Variants in FSHR observed in about 807,000 individuals in gnomAD.
The protein encoded by FSHR is follicle-stimulating hormone receptor.
FSHR carries 46 observed loss-of-function variants against 52.1 expected under a neutral mutation model. The ratio of observed to expected loss-of-function variants is 0.88; its 90% CI spans 0.70 to 1.13. The LOEUF is 1.13. FSHR is among the 50% of genes most tolerant of loss of function. FSHR has a pLI of 0.00. For missense variants in FSHR, 964 were observed against 834.6 expected (o/e 1.16, Z -1.91); for synonymous variants, 399 against 309.6 (o/e 1.29, Z -3.03).
intron 1 of FSHR, among the ~76,000 whole-genome samples, chr2:49,093,466 C>G (rs1056965376): frequency 1.3e-5 from 2 of 152,112 alleles, no homozygotes; most frequent in African/African-American, 4.8e-5. Flanking sequence ...TTTTTCCTTG[C>G]TCTGAAGTCT....
At chr2:48,968,613 C>G (rs185694713) in intron 9 of FSHR, 85 bp downstream of exon 9, 5 of 1,495,448 alleles carry the variant, frequency 3.3e-6, no homozygotes, top group Non-Finnish European at 4.6e-6. Context: ...CAAGTAGATT[C>G]TCTTCATGTC....
intron 2 of FSHR, among the ~76,000 whole-genome samples, chr2:49,061,101 A>G (rs184236251): frequency 1.4e-4 from 21 of 152,010 alleles, no homozygotes; most frequent in African/African-American, 5.1e-4. Context: ...TCACCACTAC[A>G]ACGTGGCACC....
chr2:48,976,348 G>C (rs1674987555), intron 8 of FSHR, among the ~76,000 whole-genome samples: 1 of 152,170 alleles, frequency 6.6e-6, no homozygotes, highest in African/African-American at 2.4e-5. Context: ...ACTTGATCGT[G>C]GTGGATAAGC....
At chr2:48,991,028 C>G (rs1458807652) in intron 4 of FSHR, among the ~76,000 whole-genome samples, 1 of 152,120 alleles carries the variant, frequency 6.6e-6, no homozygotes, top group African/African-American at 2.4e-5. Flanking sequence ...AAGCGATTCT[C>G]TTGGGATTAG....
chr2:49,051,905 A>G (rs1455592379), intron 2 of FSHR, among the ~76,000 whole-genome samples: 1 of 152,102 alleles, frequency 6.6e-6, no homozygotes, highest in Non-Finnish European at 1.5e-5. Flanking sequence ...TGTTTTTCCA[A>G]TATGGATACA....
At position 49,060,732 on chromosome 2, in the gene FSHR, T is replaced by C. The variant is rs1254803889; in HGVS notation, c.224+7487A>G. 3.3e-5 allele frequency among the ~76,000 whole-genome samples: 5 copies of C among 152,190 alleles called. No homozygotes were observed. In the East Asian group the frequency reaches 9.6e-4, roughly 29 times the overall value. ...ATGCCAAATACCTCTAGTACCTTGC[T>C]TCCCTGGAGCCGGACTAGTTCCCTA... On this transcript the variant is annotated intron_variant, in intron 2 of 9. Transcript: ENST00000406846.
chr2:49,077,527 C>T (rs1669992768), intron 1 of FSHR, among the ~76,000 whole-genome samples: 1 of 152,162 alleles, frequency 6.6e-6, no homozygotes, highest in African/African-American at 2.4e-5. Context: ...CCCATGTTGT[C>T]TTGGGTATTA....
At chr2:49,124,137 C>A (rs570916706) in intron 1 of FSHR, among the ~76,000 whole-genome samples, 2 of 149,268 alleles carry the variant, frequency 1.3e-5, no homozygotes, top group South Asian at 2.2e-4. Context: ...GGATTACAGG[C>A]ACCCACCACC....
intron 2 of FSHR, among the ~76,000 whole-genome samples, chr2:49,032,370 C>T (rs1052336589): frequency 6.6e-6 from 1 of 152,170 alleles, no homozygotes; most frequent in Non-Finnish European, 1.5e-5. Context: ...TCACACTTGG[C>T]AGGCTCTCAA....
intron 4 of FSHR, among the ~76,000 whole-genome samples, chr2:49,010,925 CTTT>C (rs1426150596): frequency 1.3e-5 from 2 of 151,960 alleles, no homozygotes; most frequent in Admixed American, 1.3e-4. Context: ...CTCTTTTCTT[CTTT>C]ATTAGTCTTG....
At chr2:49,001,439 T>C (rs1424216007) in intron 4 of FSHR, among the ~76,000 whole-genome samples, 2 of 152,072 alleles carry the variant, frequency 1.3e-5, no homozygotes, top group African/African-American at 2.4e-5. Flanking sequence ...CCTAAAGATA[T>C]CTCTAGGTGA....
intron 2 of FSHR, among the ~76,000 whole-genome samples, chr2:49,022,469 T>C (rs948464817): frequency 2.6e-5 from 4 of 152,076 alleles, no homozygotes; most frequent in African/African-American, 9.7e-5. Flanking sequence ...AATTTAGACA[T>C]CTTATTCCGA....
intron 1 of FSHR, among the ~76,000 whole-genome samples, chr2:49,106,656 C>T (rs571307754): frequency 2.0e-5 from 3 of 152,310 alleles, no homozygotes; most frequent in East Asian, 1.9e-4. Context: ...ATGTTCTTGA[C>T]ACCGAATCTG....
chr2:49,060,463 G>A (rs372080233), intron 2 of FSHR, among the ~76,000 whole-genome samples: 1 of 152,092 alleles, frequency 6.6e-6, no homozygotes, highest in African/African-American at 2.4e-5. Flanking sequence ...ATGATGCCTT[G>A]ACCAGCCAGG....
chr2:49,043,999 G>T (rs1306409689), intron 2 of FSHR, among the ~76,000 whole-genome samples: 2 of 152,244 alleles, frequency 1.3e-5, no homozygotes, highest in Non-Finnish European at 2.9e-5. Flanking sequence ...CCAAAGATCT[G>T]GACAGCAACA....
intron 6 of FSHR, among the ~76,000 whole-genome samples, chr2:48,986,760 CTTA>C (rs1401983519): frequency 1.3e-5 from 2 of 152,278 alleles, no homozygotes; most frequent in Non-Finnish European, 1.5e-5. Context: ...GTCAGAAGTT[CTTA>C]TTTCCTCAGG....
chr2:49,127,846 TC>T lies in FSHR; in HGVS notation c.152+26419del, dbSNP rs1558456816. Among the ~76,000 whole-genome samples the T allele has an allele frequency of 9.9e-3, 203 of 20,514 alleles. 19 individuals are homozygous for T. The highest frequency in any genetic ancestry group is 0.04 in the African/African-American group (102 of 2,546). The allele number at this position is 20,514 out of a possible 152,430, so 13.5% of individuals were successfully genotyped here. ...TTCTTCTTCCTCTTCTTCTTCTTCT[TC>T]TTCTTCTTCTTCTTCTTCTTCTTCT... On this transcript the variant is annotated intron_variant, in intron 1 of 9. Transcript: ENST00000406846.
At chr2:48,964,351 T>A (rs1457107404) in intron 9 of FSHR, among the ~76,000 whole-genome samples, 2 of 152,190 alleles carry the variant, frequency 1.3e-5, no homozygotes, top group Non-Finnish European at 2.9e-5. Flanking sequence ...GACATATTCC[T>A]ATTCGTCTAC....
At chr2:49,029,249 A>G (rs529870743) in intron 2 of FSHR, among the ~76,000 whole-genome samples, 2 of 152,324 alleles carry the variant, frequency 1.3e-5, no homozygotes, top group African/African-American at 2.4e-5. Flanking sequence ...TCTTGTGAGC[A>G]CACATCGTGG....
Sources: allele counts gnomAD v4.1 joint callset (sites outside exome capture counted in the v4.1 genomes callset), GRCh38; gene constraint gnomAD v4.1.1; transcripts MANE v1.5; gene names NCBI Gene and HGNC (gene_info 2026-07-23, HGNC 2026-07-21).